NRG1: variants seen among roughly 807,000 people sequenced by gnomAD.
NRG1 encodes the protein pro-neuregulin-1, membrane-bound isoform.
A neutral mutation model predicts 63.8 loss-of-function variants in NRG1; 18 were observed. The ratio of observed to expected loss-of-function variants is 0.28; its 90% CI spans 0.19 to 0.42. The LOEUF (loss-of-function observed/expected upper bound fraction) is 0.42. Ranked by LOEUF, NRG1 falls within the 10% of genes least tolerant of loss-of-function variation. The pLI is 1.00. For missense variants in NRG1, 762 were observed against 814.7 expected, an observed-to-expected ratio of 0.94 and a Z score of 0.79; for synonymous variants, 302 against 301.3, an observed-to-expected ratio of 1.00 and a Z score of -0.02.
At chr8:31,827,343 A>G (rs1223663503) in intron 1 of NRG1, among the ~76,000 whole-genome samples, 1 of 152,210 alleles carries the variant, frequency 6.6e-6, no homozygotes. Context: ...AGCAATGGCC[A>G]TTTGAGTAAG....
chr8:32,524,853 G>A (rs999976151), intron 1 of NRG1, among the ~76,000 whole-genome samples: 11 of 152,088 alleles, frequency 7.2e-5, no homozygotes, highest in Non-Finnish European at 1.5e-4. Flanking sequence ...CAATGCTCAC[G>A]TATTAACCGC....
chr8:32,770,748 G>T (rs1314281272), downstream of NRG1, among the ~76,000 whole-genome samples: 1 of 152,146 alleles, frequency 6.6e-6, no homozygotes, highest in Admixed American at 6.6e-5. Flanking sequence ...GAAACTTACT[G>T]ACTGTGGGCA....
chr8:32,400,900 A>G (rs1294058761), intron 1 of NRG1, among the ~76,000 whole-genome samples: 1 of 152,236 alleles, frequency 6.6e-6, no homozygotes, highest in Non-Finnish European at 1.5e-5. Flanking sequence ...CTAAATGCCC[A>G]TCAACAGTAG....
intron 1 of NRG1, among the ~76,000 whole-genome samples, chr8:32,328,132 C>A (rs1802224116): frequency 1.3e-5 from 2 of 151,966 alleles, no homozygotes. Context: ...AATTGTTGTC[C>A]CTTTGGGTAG....
intron 1 of NRG1, among the ~76,000 whole-genome samples, chr8:32,455,185 C>T (rs989582242): frequency 5.3e-5 from 8 of 152,062 alleles, no homozygotes; most frequent in Admixed American, 3.3e-4. Context: ...AATTCAGCTC[C>T]GGACTTAGCC....
At chr8:31,740,948 G>A (rs974155274) in intron 1 of NRG1, among the ~76,000 whole-genome samples, 1 of 152,020 alleles carries the variant, frequency 6.6e-6, no homozygotes, top group Non-Finnish European at 1.5e-5. Context: ...ATTCACAGTA[G>A]CAAAGACATG....
intron 1 of NRG1, among the ~76,000 whole-genome samples, chr8:32,170,334 A>T (rs922051005): frequency 6.6e-6 from 1 of 152,202 alleles, no homozygotes; most frequent in African/African-American, 2.4e-5. Context: ...CAAGATGCGT[A>T]TGCTGATGGC....
intron 1 of NRG1, among the ~76,000 whole-genome samples, chr8:31,784,642 A>T (rs1820009904): frequency 6.6e-6 from 1 of 152,174 alleles, no homozygotes; most frequent in Non-Finnish European, 1.5e-5. Flanking sequence ...GCCAAAGAGC[A>T]GGGTTCTGGG....
rs185710187 is a variant in NRG1 at position 32,142,317 on chromosome 8, A to T, written c.38-453511A>T. On this transcript the variant is annotated intron_variant, in intron 1 of 10. Coordinates refer to the NRG1 transcript ENST00000519301. ...CTATTTCCAGTCACAGATTGCAGAG[A>T]TAGTTGACTGTGCTTGTTAGTGTGA... Among the ~76,000 whole-genome samples, 3 of 152,268 alleles carry T rather than the reference A, an allele frequency of 2.0e-5. No individual in the cohort carries two copies. In the East Asian group the frequency reaches 5.8e-4, roughly 29 times the overall value.
At chr8:32,119,320 C>T (rs919911498) in intron 1 of NRG1, among the ~76,000 whole-genome samples, 1 of 152,072 alleles carries the variant, frequency 6.6e-6, no homozygotes. Flanking sequence ...AGCGACTATT[C>T]GCTTTTGGTT....
At chr8:32,678,818 A>ATGCTGAATG (rs1262277938) in intron 5 of NRG1, among the ~76,000 whole-genome samples, 1 of 152,194 alleles carries the variant, frequency 6.6e-6, no homozygotes, top group Non-Finnish European at 1.5e-5. Flanking sequence ...AAAGTAACCC[A>ATGCTGAATG]TGCTGAATGT....
At chr8:32,570,776 T>C (rs1389039189) in intron 1 of NRG1, among the ~76,000 whole-genome samples, 1 of 152,210 alleles carries the variant, frequency 6.6e-6, no homozygotes, top group Non-Finnish European at 1.5e-5. Context: ...TTTGTATTGA[T>C]ACAAATTATT....
intron 1 of NRG1, among the ~76,000 whole-genome samples, chr8:31,834,307 G>GCACGCACACACACACACACACACACA (rs373890145): frequency 1.7e-4 from 20 of 119,432 alleles, no homozygotes; most frequent in African/African-American, 5.2e-4. Flanking sequence ...GCGCACGCGC[G>GCACGCACACACACACACACACACACA]CACACACACA....
At chr8:32,615,442 CAA>C (rs1847178721) in intron 4 of NRG1, among the ~76,000 whole-genome samples, 1 of 152,006 alleles carries the variant, frequency 6.6e-6, no homozygotes, top group Admixed American at 6.6e-5. Flanking sequence ...ACTTGTGAAA[CAA>C]GACATCATTT....
intron 1 of NRG1, chr8:32,136,749 T>C (rs192979038): frequency 7.9e-5 from 12 of 152,302 alleles, no homozygotes; most frequent in Admixed American, 6.5e-4. Flanking sequence ...AAAGTGCCGA[T>C]AGGTAAGCCC....
chr8:32,182,907 C>A (rs867675476), intron 1 of NRG1, among the ~76,000 whole-genome samples: 1 of 152,054 alleles, frequency 6.6e-6, no homozygotes, highest in East Asian at 1.9e-4. Flanking sequence ...AATTTCAAAA[C>A]GTTTCATTTT....
chr8:32,382,642 C>T (rs1360643810), intron 1 of NRG1, among the ~76,000 whole-genome samples: 2 of 152,130 alleles, frequency 1.3e-5, no homozygotes, highest in Non-Finnish European at 1.5e-5. Context: ...AAGTTTTATA[C>T]ACAAGACTAC....
At chr8:31,938,825 G>T (rs533681346) in intron 1 of NRG1, among the ~76,000 whole-genome samples, 1 of 152,254 alleles carries the variant, frequency 6.6e-6, no homozygotes, top group African/African-American at 2.4e-5. Flanking sequence ...TGAGCTCGAA[G>T]ACAAGGCATT....
chr8:31,761,384 A>G (rs1394845531), intron 1 of NRG1, among the ~76,000 whole-genome samples: 1 of 152,156 alleles, frequency 6.6e-6, no homozygotes, highest in Non-Finnish European at 1.5e-5. Context: ...GCACACCAAC[A>G]TGGCACATGT....
Sources: gnomAD v4.1 joint callset for allele counts (sites outside exome capture counted in the v4.1 genomes callset) on GRCh38, gnomAD v4.1.1 for gene constraint, MANE v1.5 for transcripts, NCBI Gene and HGNC (gene_info 2026-07-23, HGNC 2026-07-21) for gene names.